Variants in PLXNC1 observed in about 807,000 individuals in gnomAD.
PLXNC1 encodes the protein plexin-C1.
In PLXNC1, 75 loss-of-function variants were observed where a neutral mutation model predicts 178.2. That is an observed-to-expected ratio of 0.42 (90% CI 0.35 to 0.51). PLXNC1 has a LOEUF of 0.51. PLXNC1 is among the 20% of genes least tolerant of loss of function. The probability of loss-of-function intolerance (pLI) is 0.02; values close to 1 mark genes in which losing one functional copy is unlikely to be tolerated. For synonymous variants in PLXNC1, 790 were observed against 779.9 expected (o/e 1.01, Z -0.22); for missense variants, 1,503 against 1,984.4 (o/e 0.76, Z 4.61).
At chr12:94,208,193 A>T (rs1963361775) in intron 4 of PLXNC1, among the ~76,000 whole-genome samples, 1 of 152,214 alleles carries the variant, frequency 6.6e-6, no homozygotes, top group Non-Finnish European at 1.5e-5. Flanking sequence ...TGCCGATGAA[A>T]ATCCCCATGG....
intron 5 of PLXNC1, among the ~76,000 whole-genome samples, chr12:94,211,737 A>C (rs1963474092): frequency 6.6e-6 from 1 of 152,258 alleles, no homozygotes; most frequent in Admixed American, 6.5e-5. Flanking sequence ...GAGCAATTCC[A>C]GTTGTCCTGG....
chr12:94,271,581 A>C (rs1298061309), intron 21 of PLXNC1, among the ~76,000 whole-genome samples: 1 of 152,232 alleles, frequency 6.6e-6, no homozygotes, highest in South Asian at 2.1e-4. Context: ...GGGCTCAGCC[A>C]CTTTACTCTG....
At chr12:94,295,995 C>T (rs1054518690) in intron 24 of PLXNC1, among the ~76,000 whole-genome samples, 1 of 152,228 alleles carries the variant, frequency 6.6e-6, no homozygotes, top group African/African-American at 2.4e-5. Context: ...TGCTTGTAGG[C>T]TGACCTTCTT....
Position 94,149,571 on chromosome 12 carries a change from C to T in PLXNC1, c.600C>T (p.Asp200=). 1.3e-6 allele frequency: 2 copies of T among 1,564,530 alleles called. No homozygotes were observed. The highest frequency in any genetic ancestry group is 2.3e-5 in the South Asian group (2 of 86,184). ...GCCGCTGCAACCCCGCGGCATCCGA[C>T]CACGACACGGCCATCGCGCTCAAGG... ...TASRCNPAAS[D]HDTAIALKDT... Residue 200 remains aspartate (D), a synonymous_variant, in exon 1 of 31, where the codon GAC becomes GAT. Transcript: ENST00000258526.
Position 94,149,415 on chromosome 12 carries a change from C to CA in PLXNC1, c.446dup (p.Asn149LysfsTer39), listed in dbSNP as rs1213340702. ...GCAACCTGAGCCGCAACTCCCTGCG[C>CA]AACGGCACCGAGGTGGTGTCGTGCC... On this transcript the variant is annotated frameshift_variant, in exon 1 of 31. Coordinates refer to ENST00000258526, the MANE Select transcript of PLXNC1 (RefSeq NM_005761.3). LOFTEE classifies it high-confidence loss of function. 1.4e-6 allele frequency: 2 copies of CA among 1,438,740 alleles called. No homozygotes were observed. The highest frequency in any genetic ancestry group is 1.8e-6 in the Non-Finnish European group (2 of 1,105,794). The allele number at this position is 1,438,740 out of a possible 1,614,324, so 89.1% of individuals were successfully genotyped here. A position where few individuals can be genotyped will look rare whatever the true frequency, so the allele number is the denominator to read the frequency against.
chr12:94,280,849 C>G (rs1363824353), intron 22 of PLXNC1, among the ~76,000 whole-genome samples: 1 of 152,188 alleles, frequency 6.6e-6, no homozygotes, highest in Non-Finnish European at 1.5e-5. Context: ...TTGGGTGTCC[C>G]TTGCCTCCTA....
At chr12:94,234,811 T>G (rs1013163896) in intron 9 of PLXNC1, among the ~76,000 whole-genome samples, 35 of 152,330 alleles carry the variant, frequency 2.3e-4, no homozygotes, top group Admixed American at 1.8e-3. Flanking sequence ...TAACTCTTGA[T>G]GAAAATACAA....
At chr12:94,164,840 T>C (rs1209310299) in intron 1 of PLXNC1, among the ~76,000 whole-genome samples, 1 of 152,142 alleles carries the variant, frequency 6.6e-6, no homozygotes, top group African/African-American at 2.4e-5. Context: ...GAGAAAAGTT[T>C]CCCTCTTAGA....
intron 23 of PLXNC1, among the ~76,000 whole-genome samples, chr12:94,288,327 T>A (rs1214029946): frequency 6.6e-6 from 1 of 152,210 alleles, no homozygotes; most frequent in African/African-American, 2.4e-5. Flanking sequence ...CTCAGGCATC[T>A]GGGCTCTGAC....
At chr12:94,301,863 A>C (rs1188679763) in intron 28 of PLXNC1, among the ~76,000 whole-genome samples, 1 of 152,152 alleles carries the variant, frequency 6.6e-6, no homozygotes, top group Non-Finnish European at 1.5e-5. Context: ...CCTCAACGTT[A>C]TCTTTGACTC....
chr12:94,279,633 T>G lies in PLXNC1; in HGVS notation c.3759T>G (p.Leu1253=). 1 of 1,614,210 alleles carries G rather than the reference T, an allele frequency of 6.2e-7. No homozygotes were observed. The highest frequency in any genetic ancestry group is 8.5e-7 in the Non-Finnish European group (1 of 1,180,000). The part of the protein sequence containing the change: ...SKNGSPYGLQ[L]NEIGLELQMG... ...ATGGCTCTCCTTATGGACTTCAGCTTAATGAAATTGGTCTTGGTAAGGCGG... is the reference window on the plus strand; with the variant it reads ...ATGGCTCTCCTTATGGACTTCAGCTGAATGAAATTGGTCTTGGTAAGGCGG... Residue 1253 remains leucine, a synonymous_variant, in exon 22 of 31, where the codon CTT becomes CTG. Transcript: ENST00000258526.
intron 6 of PLXNC1, among the ~76,000 whole-genome samples, chr12:94,221,504 G>C (rs374284665): frequency 1.3e-5 from 2 of 152,208 alleles, no homozygotes; most frequent in Admixed American, 1.3e-4. Flanking sequence ...AGAAAGACTA[G>C]AAGTAGAGTT....
rs759610650 is a variant in PLXNC1, at chr12:94,305,314, A to G, written c.*29A>G. ...CTCTGGGGCCTGGCTTAATCTGGCA[A>G]AGTTCTTCAGACGACTTGGGAGCAA... is the stretch of plus-strand genomic sequence containing the variant. On this transcript the variant is annotated 3_prime_UTR_variant, in exon 31 of 31. Coordinates refer to ENST00000258526, the MANE Select transcript of PLXNC1 (RefSeq NM_005761.3). 3.3e-5 allele frequency: 47 copies of G among 1,430,014 alleles called. No homozygotes were observed. Among genetic ancestry groups the G allele is most frequent in the Non-Finnish European group, 4.0e-5 (41 of 1,023,370 alleles). The allele number at this position is 1,430,014 out of a possible 1,614,324, so 88.6% of individuals were successfully genotyped here.
chr12:94,186,465 G>A lies in PLXNC1; in HGVS notation c.1431G>A (p.Ser477=), dbSNP rs775457098. Residue 477 remains serine (S), a synonymous_variant, in exon 4 of 31, where the codon TCG becomes TCA. Coordinates refer to ENST00000258526, the MANE Select transcript of PLXNC1 (RefSeq NM_005761.3). Reference sequence around the variant, plus strand: ...ACCCTCACTGCGGTTGGTGCCATTCGCTACAAAGGTATCTCCTGAATTCTT... The same window carrying A: ...ACCCTCACTGCGGTTGGTGCCATTCACTACAAAGGTATCTCCTGAATTCTT... The part of the protein sequence containing the change: ...ATDPHCGWCH[S]LQRCTFQGDC... 13 of 1,607,226 alleles carry A rather than the reference G, an allele frequency of 8.1e-6. No homozygotes were observed. The highest frequency in any genetic ancestry group is 2.2e-5 in the East Asian group (1 of 44,870).
rs1592735254 is a variant in PLXNC1, at chr12:94,177,253, G to GTA, written c.1204-4183_1204-4182dup. ...TACATATATATATATATATATATAT[G>GTA]TATATATATATGAGGGGCTGCAGGG... On this transcript the variant is annotated intron_variant, in intron 2 of 30. Transcript: ENST00000258526. Among the ~76,000 whole-genome samples, 7 of 114,906 alleles carry GTA rather than the reference G, an allele frequency of 6.1e-5. No individual in the cohort carries two copies. The East Asian group carries it at 1.3e-3, about 21-fold the overall frequency. The allele number at this position is 114,906 out of a possible 152,430, so 75.4% of individuals were successfully genotyped here.
At chr12:94,227,059 G>C in intron 8 of PLXNC1, 90 bp from the exon 9 acceptor site, 2 of 868,670 alleles carry the variant, frequency 2.3e-6, no homozygotes, top group Non-Finnish European at 3.8e-6. Context: ...AAATGTTTGT[G>C]ACTGCCTGGT....
At chr12:94,152,122 A>T (rs3847799) in intron 1 of PLXNC1, among the ~76,000 whole-genome samples, 1 of 152,098 alleles carries the variant, frequency 6.6e-6, no homozygotes, top group African/African-American at 2.4e-5. Flanking sequence ...CAGCCAAGTT[A>T]AATAATATAC....
chr12:94,222,543 C>G (rs1000307451), intron 6 of PLXNC1, among the ~76,000 whole-genome samples: 1 of 152,170 alleles, frequency 6.6e-6, no homozygotes, highest in African/African-American at 2.4e-5. Context: ...TATCTTGGCA[C>G]CCAGGTTACC....
At chr12:94,178,800 G>A (rs547870167) in intron 2 of PLXNC1, among the ~76,000 whole-genome samples, 73 of 152,298 alleles carry the variant, frequency 4.8e-4, no homozygotes, top group African/African-American at 1.7e-3. Context: ...TATGTGGCTA[G>A]CGGCTGTCAT....
Sources: gnomAD v4.1 joint callset for allele counts (sites outside exome capture counted in the v4.1 genomes callset) on GRCh38, gnomAD v4.1.1 for gene constraint, MANE v1.5 for transcripts, NCBI Gene and HGNC (gene_info 2026-07-23, HGNC 2026-07-21) for gene names.